Variants in SPECC1 observed in about 807,000 individuals in gnomAD.
SPECC1 encodes the protein cytospin-B.
A neutral mutation model predicts 104.1 loss-of-function variants in SPECC1; 62 were observed. That is an observed-to-expected ratio of 0.60 (90% confidence interval 0.49 to 0.74). The LOEUF is 0.74. Among genes scored for constraint, SPECC1 ranks in the 30% least tolerant of loss-of-function variants. SPECC1 has a pLI of 0.00. For missense variants in SPECC1, 1,306 were observed against 1,310.5 expected, an observed-to-expected ratio of 1.00 and a Z score of 0.05; for synonymous variants, 513 against 501.6, an observed-to-expected ratio of 1.02 and a Z score of -0.30.
At position 20,245,961 on chromosome 17, in the gene SPECC1, A is replaced by C; in HGVS notation, c.2387A>C (p.Asp796Ala). The part of the protein sequence containing the change: ...VDEEPESSEV[D>A]AAGRWPGVCV... ...GAAGAGCCAGAGTCCTCTGAGGTCG[A>C]TGCTGCTGGTCGGTGGCCTGGTGTC... is the stretch of plus-strand genomic sequence containing the variant. Residue 796 changes from aspartate (D) to alanine (A), a missense_variant, in exon 8 of 15, where the codon GAT becomes GCT. Asp to Ala is a moderately radical substitution (Grantham distance 126). Around this residue, in one of 2 missense-constraint regions of SPECC1, gnomAD observed 1,177 missense variants for 1,139.9 expected, o/e 1.03. Transcript: ENST00000395527. The C allele has an allele frequency of 6.2e-7, 1 of 1,614,176 alleles. No homozygotes were observed. Among genetic ancestry groups the C allele is most frequent in the South Asian group, 1.1e-5 (1 of 91,084 alleles).
At chr17:20,063,434 T>G (rs755347410) in intron 1 of SPECC1, among the ~76,000 whole-genome samples, 5 of 152,236 alleles carry the variant, frequency 3.3e-5, no homozygotes, top group African/African-American at 4.8e-5. Context: ...TTGATTAGAT[T>G]TGCCAGAGGT....
intron 12 of SPECC1, among the ~76,000 whole-genome samples, chr17:20,288,256 G>A (rs772096528): frequency 2.6e-5 from 4 of 152,094 alleles, no homozygotes; most frequent in South Asian, 2.1e-4. Flanking sequence ...TGGACATAAC[G>A]TGTGCATGTA....
At chr17:20,305,325 G>T (rs1329692240) in intron 13 of SPECC1, among the ~76,000 whole-genome samples, 1 of 152,146 alleles carries the variant, frequency 6.6e-6, no homozygotes. Flanking sequence ...AGTAGAGTCA[G>T]GAAGTGTTGT....
chr17:20,145,144 A>T (rs890460357), intron 3 of SPECC1, among the ~76,000 whole-genome samples: 1 of 152,222 alleles, frequency 6.6e-6, no homozygotes, highest in African/African-American at 2.4e-5. Flanking sequence ...TACTGGAGAC[A>T]AAGTGGTTTA....
intron 2 of SPECC1, among the ~76,000 whole-genome samples, chr17:20,104,740 CAAAAAAAAAAA>C (rs745893309): frequency 2.3e-4 from 13 of 57,244 alleles, no homozygotes; most frequent in South Asian, 1.9e-3. Context: ...GAGACTGTCT[CAAAAAAAAAAA>C]AAAAAAAAAA....
intron 3 of SPECC1, among the ~76,000 whole-genome samples, chr17:20,166,887 C>G (rs967386629): frequency 6.6e-6 from 1 of 151,820 alleles, no homozygotes; most frequent in African/African-American, 2.4e-5. Context: ...GTGAGAGGAC[C>G]GCTTGAGGCC....
rs1370926299 is a variant in SPECC1, at chr17:20,253,553, C to G, written c.2647C>G (p.Gln883Glu). The G allele has an allele frequency of 1.2e-6, 2 of 1,614,068 alleles. No individual in the cohort carries two copies. Among genetic ancestry groups the G allele is most frequent in the South Asian group, 2.2e-5 (2 of 91,076 alleles). ...SVRPASRGVT[Q>E]RLDLPDLPLS... ...GCGGCCAGCCAGCAGAGGGGTGACTCAACGCTTGGACCTTCCTGACCTTCC... is the reference window on the plus strand; with the variant it reads ...GCGGCCAGCCAGCAGAGGGGTGACTGAACGCTTGGACCTTCCTGACCTTCC... Residue 883 changes from glutamine to glutamate, a missense_variant, in exon 10 of 15, where the codon CAA becomes GAA. By Grantham distance (29) the Gln-to-Glu change is conservative. Around this residue, in one of 2 missense-constraint regions of SPECC1, gnomAD observed 1,177 missense variants for 1,139.9 expected, o/e 1.03. Transcript: ENST00000395527.
intron 13 of SPECC1, among the ~76,000 whole-genome samples, chr17:20,304,192 A>G (rs2041687289): frequency 6.7e-6 from 1 of 149,098 alleles, no homozygotes; most frequent in Admixed American, 6.7e-5. Flanking sequence ...GAGGTAACTG[A>G]GAAACGAGAA....
chr17:20,059,165 T>C (rs143015126), intron 1 of SPECC1, among the ~76,000 whole-genome samples: 69 of 152,156 alleles, frequency 4.5e-4, no homozygotes, highest in African/African-American at 1.6e-3. Context: ...TCTATTATTA[T>C]TACATTGTAA....
intron 12 of SPECC1, among the ~76,000 whole-genome samples, chr17:20,269,134 A>G (rs16959946): frequency 0.12 from 18,207 of 152,196 alleles, 1,124 homozygotes; most frequent in Non-Finnish European, 0.13. Flanking sequence ...CCCAGATGCT[A>G]TTGGCAGCCA....
intron 1 of SPECC1, among the ~76,000 whole-genome samples, chr17:20,071,736 A>G (rs141024183): frequency 1.5e-4 from 23 of 152,312 alleles, no homozygotes; most frequent in African/African-American, 5.5e-4. Context: ...TTATTTAGGT[A>G]TATTATTTTA....
chr17:20,231,642 A>C, intron 5 of SPECC1, 116 bp from the exon 6 acceptor site: 1 of 858,636 alleles, frequency 1.2e-6, no homozygotes, highest in Non-Finnish European at 1.9e-6. Context: ...AGTAGAATGG[A>C]TGGATTTGGA....
At position 20,139,361 on chromosome 17, in the gene SPECC1, A is replaced by C. The variant is rs923902782; in HGVS notation, c.283+28799A>C. On this transcript the variant is annotated intron_variant, in intron 3 of 14. Transcript: ENST00000395527. ...GAATATTCTGCATGTGTATTCATTC[A>C]TTCCTTCAATACATATTTAGTGTCT... Among the ~76,000 whole-genome samples the C allele has an allele frequency of 1.4e-4, 22 of 152,214 alleles. 1 individual carries two copies. Among genetic ancestry groups the C allele is most frequent in the Non-Finnish European group, 8.8e-5 (6 of 68,034 alleles).
At chr17:20,096,118 A>T (rs916653853) in intron 1 of SPECC1, 2 of 152,388 alleles carry the variant, frequency 1.3e-5, no homozygotes, top group African/African-American at 2.4e-5. Flanking sequence ...ACCAATTAAA[A>T]TATGCTTCAT....
At chr17:20,072,043 G>A (rs1172699104) in intron 1 of SPECC1, among the ~76,000 whole-genome samples, 2 of 152,044 alleles carry the variant, frequency 1.3e-5, no homozygotes, top group Admixed American at 6.5e-5. Context: ...CCCTCTCCAC[G>A]GCCAATGGGT....
At chr17:20,051,362 G>C (rs919941744) in intron 1 of SPECC1, among the ~76,000 whole-genome samples, 7 of 152,036 alleles carry the variant, frequency 4.6e-5, no homozygotes, top group African/African-American at 1.7e-4. Context: ...TTTTAGTAGA[G>C]ACAGGTTTCA....
chr17:20,172,689 G>T (rs1161689896), intron 3 of SPECC1, among the ~76,000 whole-genome samples: 4 of 152,184 alleles, frequency 2.6e-5, no homozygotes, highest in Non-Finnish European at 5.9e-5. Flanking sequence ...TGAAGCCAGG[G>T]GGAAGAAACA....
chr17:20,279,046 C>G (rs967095970), intron 12 of SPECC1, among the ~76,000 whole-genome samples: 4 of 152,116 alleles, frequency 2.6e-5, no homozygotes. Context: ...AACACCAAAG[C>G]CATCATCTTG....
intron 3 of SPECC1, among the ~76,000 whole-genome samples, chr17:20,195,219 A>G (rs575693858): frequency 3.9e-5 from 6 of 152,340 alleles, no homozygotes; most frequent in African/African-American, 1.4e-4. Context: ...ATAATTGATT[A>G]TAAACCACCT....
Sources: allele counts gnomAD v4.1 joint callset (sites outside exome capture counted in the v4.1 genomes callset), GRCh38; gene constraint gnomAD v4.1.1; regional missense constraint gnomAD v4.1.1; transcripts MANE v1.5; gene names NCBI Gene and HGNC (gene_info 2026-07-23, HGNC 2026-07-21).